MLIP: variants seen among roughly 807,000 people sequenced by gnomAD.
MLIP encodes muscular LMNA interacting protein, also known as muscular LMNA-interacting protein.
A neutral mutation model predicts 84.8 loss-of-function variants in MLIP; 79 were observed. That is an observed-to-expected ratio of 0.93 (90% confidence interval 0.78 to 1.12). MLIP has a LOEUF of 1.12. MLIP is among the 50% of genes most tolerant of loss of function. The probability of loss-of-function intolerance (pLI) is 0.00; values close to 1 mark genes in which losing one functional copy is unlikely to be tolerated. For synonymous variants in MLIP, 504 were observed against 463.0 expected (o/e 1.09, Z -1.14); for missense variants, 1,257 against 1,160.6 (o/e 1.08, Z -1.21).
At chr6:54,215,146 C>G in intron 11 of MLIP, 2 of 1,535,250 alleles carry the variant, frequency 1.3e-6, no homozygotes, top group South Asian at 1.2e-5. Flanking sequence ...TCAGGCTGCA[C>G]ATTCTGTGGA....
intron 3 of MLIP, among the ~76,000 whole-genome samples, chr6:54,134,271 A>T (rs1256761230): frequency 6.6e-6 from 1 of 152,064 alleles, no homozygotes; most frequent in Non-Finnish European, 1.5e-5. Context: ...TCCTCTTTTT[A>T]AAAATTTATT....
Position 54,137,297 on chromosome 6 carries a change from G to A in MLIP, c.1228G>A (p.Val410Met), listed in dbSNP as rs1402688522. 1 of 1,535,906 alleles carries A rather than the reference G, an allele frequency of 6.5e-7. No homozygotes were observed. The highest frequency in any genetic ancestry group is 8.7e-7 in the Non-Finnish European group (1 of 1,146,876). The change falls in exon 4 of 14, where the codon GTG becomes ATG. Residue 410 changes from valine to methionine, a missense_variant. Val to Met is a conservative substitution (Grantham distance 21). Transcript: ENST00000502396. Reference protein sequence around the residue: ...NLSKSGVKSPVPSRLALLTAI... With the variant: ...NLSKSGVKSPMPSRLALLTAI... The stretch of plus-strand genomic sequence containing the variant: ...TTCAAAGTCAGGGGTAAAATCCCCG[G>A]TGCCTTCCCGGCTTGCCCTTCTCAC...
chr6:54,142,640 A>G (rs952440447), intron 4 of MLIP, among the ~76,000 whole-genome samples: 12 of 152,116 alleles, frequency 7.9e-5, no homozygotes, highest in Non-Finnish European at 5.9e-5. Context: ...TTTGATTTTT[A>G]CTTTAAGTAA....
At chr6:54,219,492 T>A (rs1780086423) in intron 11 of MLIP, among the ~76,000 whole-genome samples, 1 of 151,298 alleles carries the variant, frequency 6.6e-6, no homozygotes, top group South Asian at 2.1e-4. Flanking sequence ...GGACCACCAA[T>A]ACATATATGG....
chr6:54,139,024 G>A (rs2150491116), intron 4 of MLIP, among the ~76,000 whole-genome samples: 1 of 152,220 alleles, frequency 6.6e-6, no homozygotes, highest in Non-Finnish European at 1.5e-5. Flanking sequence ...CACGTTGAAG[G>A]GATAAAGTGA....
chr6:54,148,932 T>G (rs1251855152), intron 4 of MLIP, 124 bp from the exon 5 acceptor site: 1 of 690,546 alleles, frequency 1.4e-6, no homozygotes, highest in African/African-American at 1.8e-5. Context: ...AACAAGTTGT[T>G]CAGCATAATA....
chr6:54,176,857 T>C lies in MLIP; in HGVS notation c.2544+7285T>C, dbSNP rs960738094. On this transcript the variant is annotated intron_variant, in intron 9 of 13. Transcript: ENST00000502396. The stretch of plus-strand genomic sequence containing the variant: ...TGGTACTAGTACAAAAACAGACACA[T>C]AGACCAATGGAACAGAACAGAGATC... 2.0e-5 allele frequency among the ~76,000 whole-genome samples: 3 copies of C among 152,000 alleles called. 1 individual carries two copies. Among genetic ancestry groups the C allele is most frequent in the African/African-American group, 4.8e-5 (2 of 41,408 alleles).
upstream of MLIP, among the ~76,000 whole-genome samples, chr6:54,110,590 C>T (rs779284217): frequency 4.6e-5 from 7 of 152,168 alleles, no homozygotes; most frequent in Non-Finnish European, 8.8e-5. Flanking sequence ...CTTTTGATAA[C>T]ATCGAAAATG....
In MLIP at chr6:54,138,088, G is replaced by A. The variant is rs1475609192; in HGVS notation, c.2019G>A (p.Gln673=). 1 of 1,536,050 alleles carries A rather than the reference G, an allele frequency of 6.5e-7. No homozygotes were observed. The highest frequency in any genetic ancestry group is 8.7e-7 in the Non-Finnish European group (1 of 1,146,870). The part of the protein sequence containing the change: ...PHANLPTLVP[Q]LSPSALHPHC... Reference sequence around the variant, plus strand: ...CCAATCTGCCCACCCTGGTGCCCCAGCTCAGTCCCTCAGCTCTGCACCCAC... The same window carrying A: ...CCAATCTGCCCACCCTGGTGCCCCAACTCAGTCCCTCAGCTCTGCACCCAC... The change falls in exon 4 of 14, where the codon CAG becomes CAA. Residue 673 remains glutamine (Q), a synonymous_variant. Transcript: ENST00000502396.
intron 11 of MLIP, among the ~76,000 whole-genome samples, chr6:54,221,784 C>T (rs1320869173): frequency 1.3e-5 from 2 of 151,900 alleles, no homozygotes; most frequent in Non-Finnish European, 2.9e-5. Flanking sequence ...AGACTCTATC[C>T]TGCAAACAAA....
chr6:54,232,604 G>T (rs1237201610), intron 12 of MLIP, among the ~76,000 whole-genome samples: 1 of 152,126 alleles, frequency 6.6e-6, no homozygotes, highest in Non-Finnish European at 1.5e-5. Flanking sequence ...CCTTATTAAA[G>T]TACATGAATT....
chr6:54,077,016 C>G (rs144286972), intron 1 of MLIP, among the ~76,000 whole-genome samples: 1 of 152,124 alleles, frequency 6.6e-6, no homozygotes, highest in South Asian at 2.1e-4. Flanking sequence ...CCACTGAGAA[C>G]GTCTTGTGTT....
chr6:54,210,168 G>C (rs1779340061), intron 11 of MLIP, among the ~76,000 whole-genome samples: 2 of 146,740 alleles, frequency 1.4e-5, no homozygotes, highest in South Asian at 4.3e-4. Flanking sequence ...CACCGCACCA[G>C]AGCCAGAGCA....
chr6:54,163,214 A>G lies in MLIP; in HGVS notation c.2499+2415A>G, dbSNP rs111570677. ...AGTGACTTTATATTTATAATTTCTA[A>G]TTCTTGTTTTCCTAGATGTATCTTT... On this transcript the variant is annotated intron_variant, in intron 8 of 13. Transcript: ENST00000502396. Among the ~76,000 whole-genome samples the G allele has an allele frequency of 4.7e-4, 72 of 151,950 alleles. 1 individual carries two copies. The highest frequency in any genetic ancestry group is 1.7e-3 in the African/African-American group (71 of 41,500).
At chr6:54,185,725 C>G (rs1777326898) in intron 9 of MLIP, among the ~76,000 whole-genome samples, 1 of 151,792 alleles carries the variant, frequency 6.6e-6, no homozygotes, top group Non-Finnish European at 1.5e-5. Flanking sequence ...TTCACAGAAG[C>G]TATTCATTTA....
intron 4 of MLIP, among the ~76,000 whole-genome samples, chr6:54,142,626 A>G (rs748118043): frequency 6.6e-6 from 1 of 152,134 alleles, no homozygotes; most frequent in African/African-American, 2.4e-5. Flanking sequence ...GCCACTCTTT[A>G]GTCTTTGATT....
chr6:54,034,354 A>G (rs1005176586), intron 1 of MLIP, among the ~76,000 whole-genome samples: 23 of 152,164 alleles, frequency 1.5e-4, no homozygotes, highest in African/African-American at 5.5e-4. Flanking sequence ...AATAAATGAA[A>G]TTTTGCAGTG....
intron 9 of MLIP, among the ~76,000 whole-genome samples, chr6:54,184,436 C>A (rs1393602929): frequency 2.0e-5 from 3 of 152,118 alleles, no homozygotes; most frequent in Non-Finnish European, 4.4e-5. Context: ...TGATGCCGAC[C>A]AAAGGGATAC....
intron 8 of MLIP, 122 bp from the exon 9 acceptor site, chr6:54,169,406 G>A: frequency 1.9e-6 from 1 of 528,642 alleles, no homozygotes; most frequent in Admixed American, 4.0e-5. Context: ...AAATGATATT[G>A]TATAGAGAGA....
Sources: allele counts gnomAD v4.1 joint callset (sites outside exome capture counted in the v4.1 genomes callset), GRCh38; gene constraint gnomAD v4.1.1; transcripts MANE v1.5; gene names NCBI Gene and HGNC (gene_info 2026-07-23, HGNC 2026-07-21).